Variants in ADCY9 observed in about 807,000 individuals in gnomAD.
ADCY9 encodes the protein adenylate cyclase 9.
ADCY9 carries 50 observed loss-of-function variants against 101.5 expected under a neutral mutation model. That is an observed-to-expected ratio of 0.49 (90% confidence interval 0.39 to 0.62). The LOEUF (loss-of-function observed/expected upper bound fraction) is 0.62, where lower values mean the gene tolerates loss of function less well. Among genes scored for constraint, ADCY9 ranks in the 20% least tolerant of loss-of-function variants. The pLI is 0.00. For missense variants in ADCY9, 1,662 were observed against 1,800.4 expected (o/e 0.92, Z 1.39); for synonymous variants, 905 against 769.3 (o/e 1.18, Z -2.92).
rs750993435 is a variant in ADCY9 at position 3,983,305 on chromosome 16, G to A, written c.2446C>T (p.Pro816Ser). 2.6e-6 allele frequency: 4 copies of A among 1,566,196 alleles called. No homozygotes were observed. In the Admixed American group the frequency reaches 5.7e-5, roughly 22 times the overall value. ...FLKYEAATVP[P>S]PPAALAVFSA... Reference sequence around the variant, plus strand: ...AAGACCGCCAGGGCGGCGGGCGGGGGAGGCACGGTGGCCGCCTCGTACTTC... The same window carrying A: ...AAGACCGCCAGGGCGGCGGGCGGGGAAGGCACGGTGGCCGCCTCGTACTTC... The change falls in exon 7 of 11, where the codon CCC becomes TCC. Residue 816 changes from proline (P) to serine (S), a missense_variant. Physicochemically the swap from Pro to Ser is moderately conservative, Grantham distance 74 (BLOSUM62 -1). Around this residue, in one of 5 missense-constraint regions of ADCY9, gnomAD observed 624 missense variants for 639.1 expected, o/e 0.98. Coordinates refer to ENST00000294016, the MANE Select transcript of ADCY9 (RefSeq NM_001116.4).
chr16:4,049,312 G>A (rs2056685991), intron 2 of ADCY9, among the ~76,000 whole-genome samples: 1 of 152,262 alleles, frequency 6.6e-6, no homozygotes, highest in Admixed American at 6.5e-5. Context: ...CTTCGTCTCT[G>A]CAGTGGAGAG....
At chr16:4,050,869 C>T (rs73492504) in intron 2 of ADCY9, among the ~76,000 whole-genome samples, 545 of 152,256 alleles carry the variant, frequency 3.6e-3, no homozygotes, top group African/African-American at 0.012. Flanking sequence ...GGAGAAATGG[C>T]TGATTCCAGG....
chr16:4,100,292 G>A (rs1197151008), intron 2 of ADCY9, among the ~76,000 whole-genome samples: 1 of 152,020 alleles, frequency 6.6e-6, no homozygotes, highest in African/African-American at 2.4e-5. Flanking sequence ...AATTAAACCT[G>A]CTTTCTTTAT....
chr16:3,992,080 A>C lies in ADCY9; in HGVS notation c.2207+66T>G. On this transcript the variant is annotated intron_variant, in intron 5 of 10. Coordinates refer to ENST00000294016, the MANE Select transcript of ADCY9 (RefSeq NM_001116.4). This position sits in a 1 kb window ranked among gnomAD's most constrained non-coding sequence, Gnocchi z 4.2. ...AGCGAGACTCAGTCTTAAAGAAAAG[A>C]AAAGAAAAAGGCAGAGAGGCTTCTG... is the stretch of plus-strand genomic sequence containing the variant. 1 of 1,522,356 alleles carries C rather than the reference A, an allele frequency of 6.6e-7. No individual in the cohort carries two copies. Among genetic ancestry groups the C allele is most frequent in the Non-Finnish European group, 9.0e-7 (1 of 1,108,790 alleles). The allele number at this position is 1,522,356 out of a possible 1,614,324, so 94.3% of individuals were successfully genotyped here.
chr16:4,058,027 TGG>T (rs1306812157), intron 2 of ADCY9, among the ~76,000 whole-genome samples: 2 of 149,786 alleles, frequency 1.3e-5, no homozygotes, highest in Non-Finnish European at 3.0e-5. Flanking sequence ...GGCGTGGTGG[TGG>T]GCACCTGTAA....
chr16:3,958,661 T>A (rs2055920878), downstream of ADCY9, among the ~76,000 whole-genome samples: 1 of 146,058 alleles, frequency 6.8e-6, no homozygotes, highest in Non-Finnish European at 1.5e-5. Flanking sequence ...TCTGAATCTT[T>A]CTCGTCGGTT....
At position 3,966,943 on chromosome 16, in the gene ADCY9, C is replaced by CTATT; in HGVS notation, c.2890_2893dup (p.Ser965LysfsTer2). 2 of 1,612,978 alleles carry CTATT rather than the reference C, an allele frequency of 1.2e-6. No homozygotes were observed. Among genetic ancestry groups the CTATT allele is most frequent in the Non-Finnish European group, 1.7e-6 (2 of 1,179,552 alleles). ...CCGCCGGAGGTCACGCGGCACCGAA[C>CTATT]TATTGCACGGGTTCCTCTCGGAACT... On this transcript the variant is annotated stop_gained and frameshift_variant, in exon 11 of 11. Transcript: ENST00000294016. LOFTEE classifies it high-confidence loss of function.
chr16:4,030,981 G>C (rs1325710815), intron 2 of ADCY9, among the ~76,000 whole-genome samples: 30 of 151,968 alleles, frequency 2.0e-4, no homozygotes. Flanking sequence ...TTAAGAAACA[G>C]GAAACCAAAC....
At chr16:4,098,990 T>A (rs1322368775) in intron 2 of ADCY9, among the ~76,000 whole-genome samples, 8 of 152,144 alleles carry the variant, frequency 5.3e-5, no homozygotes, top group Non-Finnish European at 1.0e-4. Flanking sequence ...TGGAGTGCAG[T>A]GGTGTGATCT....
intron 2 of ADCY9, among the ~76,000 whole-genome samples, chr16:4,108,189 T>C (rs1188008509): frequency 6.6e-6 from 1 of 152,026 alleles, no homozygotes; most frequent in East Asian, 1.9e-4. Flanking sequence ...TCATTTTCTG[T>C]CTTTGTGACC....
At position 3,977,475 on chromosome 16, in the gene ADCY9, C is replaced by T. The variant is rs200478184; in HGVS notation, c.2828+7G>A. 5.0e-5 allele frequency: 78 copies of T among 1,554,802 alleles called. No individual in the cohort carries two copies. The highest frequency in any genetic ancestry group is 6.1e-5 in the Non-Finnish European group (70 of 1,149,458). ...CCTGGTGCCCGCAAGCAGTGCTGGC[C>T]GCGTACCTGTCTGGGCACAGGGAGA... On this transcript the variant is annotated splice_region_variant and intron_variant, in intron 9 of 10. Transcript: ENST00000294016.
intron 5 of ADCY9, among the ~76,000 whole-genome samples, chr16:3,954,374 C>T (rs1041378268): frequency 5.3e-5 from 8 of 152,170 alleles, no homozygotes; most frequent in African/African-American, 1.7e-4. Context: ...GGGCCCCACA[C>T]TGGTCTGAGA....
chr16:4,035,978 A>G (rs553300249), intron 2 of ADCY9, among the ~76,000 whole-genome samples: 7 of 141,802 alleles, frequency 4.9e-5, no homozygotes, highest in Admixed American at 2.2e-4. Context: ...CAGCCTGGGC[A>G]AATGAGTGAA....
chr16:3,962,763 A>T lies in ADCY9; in HGVS notation c.*3012T>A, dbSNP rs1238587649. 1.3e-5 allele frequency: 2 copies of T among 152,448 alleles called. No homozygotes were observed. Among genetic ancestry groups the T allele is most frequent in the Non-Finnish European group, 2.9e-5 (2 of 68,044 alleles). The allele number at this position is 152,448 out of a possible 1,614,324, so 9.4% of individuals were successfully genotyped here. On this transcript the variant is annotated 3_prime_UTR_variant, in exon 11 of 11. Transcript: ENST00000294016. ...AAAAGGATATATGGAAAATGCAAAC[A>T]GTCGGTTCTTGCTAATTCAATTTCA...
At chr16:3,978,199 G>A (rs1761274319) in intron 8 of ADCY9, among the ~76,000 whole-genome samples, 1 of 152,208 alleles carries the variant, frequency 6.6e-6, no homozygotes, top group Admixed American at 6.5e-5. Flanking sequence ...GTGGGAAATG[G>A]CACGTGTCTT....
At chr16:4,079,171 A>G (rs909631207) in intron 2 of ADCY9, among the ~76,000 whole-genome samples, 2 of 152,244 alleles carry the variant, frequency 1.3e-5, no homozygotes, top group Non-Finnish European at 2.9e-5. Flanking sequence ...ACAATGATTC[A>G]AAGCTGGAAA....
At chr16:3,970,394 C>T (rs560514352) in intron 10 of ADCY9, among the ~76,000 whole-genome samples, 20 of 152,070 alleles carry the variant, frequency 1.3e-4, no homozygotes, top group African/African-American at 2.2e-4. Flanking sequence ...ATGGCGCGAC[C>T]TTGGCTCACT....
At chr16:4,054,199 G>A (rs1379868392) in intron 2 of ADCY9, 2 of 152,126 alleles carry the variant, frequency 1.3e-5, no homozygotes, top group African/African-American at 4.8e-5. Context: ...GTGCATACTT[G>A]TGGAATTAAT....
rs1362324811 is a variant in ADCY9 at position 3,964,432 on chromosome 16, C to T, written c.*1343G>A. 2 of 152,378 alleles carry T rather than the reference C, an allele frequency of 1.3e-5. No individual in the cohort carries two copies. The highest frequency in any genetic ancestry group is 2.9e-5 in the Non-Finnish European group (2 of 68,158). The allele number at this position is 152,378 out of a possible 1,614,324, so 9.4% of individuals were successfully genotyped here. A position where few individuals can be genotyped will look rare whatever the true frequency, so the allele number is the denominator to read the frequency against. On this transcript the variant is annotated 3_prime_UTR_variant, in exon 11 of 11. Coordinates refer to ENST00000294016, the MANE Select transcript of ADCY9 (RefSeq NM_001116.4). Reference sequence around the variant, plus strand: ...CCCCTAACAAACCCCGCGTTTGCATCCAGATGCCTCTGTCCCTAGATACGG... The same window carrying T: ...CCCCTAACAAACCCCGCGTTTGCATTCAGATGCCTCTGTCCCTAGATACGG...
Sources: allele counts gnomAD v4.1 joint callset (sites outside exome capture counted in the v4.1 genomes callset), GRCh38; gene constraint gnomAD v4.1.1; regional missense constraint gnomAD v4.1.1; non-coding constraint Gnocchi (gnomAD v3.1); transcripts MANE v1.5; gene names NCBI Gene and HGNC (gene_info 2026-07-23, HGNC 2026-07-21).